The following DMD variants were observed in gnomAD, a reference collection of about 807,000 sequenced individuals.
DMD encodes dystrophin.
DMD carries 63 observed loss-of-function variants against 330.1 expected under a neutral mutation model. That is an observed-to-expected ratio of 0.19 (90% CI 0.16 to 0.24). The LOEUF is 0.24. Ranked by LOEUF, DMD falls within the 10% of genes least tolerant of loss-of-function variation. The pLI, the probability that DMD is intolerant of heterozygous loss-of-function variation, is 1.00. For missense variants in DMD, 3,344 were observed against 2,684.1 expected (o/e 1.25, Z -5.43); for synonymous variants, 1,223 against 959.8 (o/e 1.27, Z -5.07).
rs911688574 is a variant in DMD, at chrX:31,317,067, G to A, written c.9224+6531C>T. Among the ~76,000 whole-genome samples, 45 of 112,229 alleles carry A rather than the reference G, an allele frequency of 4.0e-4. No individual in the cohort carries two copies. In the Admixed American group the frequency reaches 4.2e-3, roughly 10 times the overall value. ...ATTCATTTTCACTTCTCTGGAAAAT[G>A]ATCACAAACAATTTCTATTTCGAAG... On this transcript the variant is annotated intron_variant, in intron 62 of 78. Coordinates refer to ENST00000357033, the MANE Select transcript of DMD (RefSeq NM_004006.3).
chrX:33,036,311 A>C (rs1279638091), intron 1 of DMD, among the ~76,000 whole-genome samples: 1 of 111,991 alleles, frequency 8.9e-6, no homozygotes, highest in Non-Finnish European at 1.9e-5. Context: ...TTCCTTGCAT[A>C]ATTGTAATTG....
chrX:32,647,240 T>C (rs569315263), intron 9 of DMD, among the ~76,000 whole-genome samples: 3 of 111,985 alleles, frequency 2.7e-5, no homozygotes, highest in African/African-American at 6.5e-5. Context: ...CAATGAAGGA[T>C]GCACATGCGC....
intron 42 of DMD, among the ~76,000 whole-genome samples, chrX:32,302,097 G>A (rs924279410): frequency 6.3e-5 from 7 of 111,046 alleles, no homozygotes; most frequent in Non-Finnish European, 9.5e-5. Flanking sequence ...CATGGCCCCC[G>A]TCTTATAATG....
chrX:31,778,663 C>T (rs1426064974), intron 50 of DMD, among the ~76,000 whole-genome samples: 3 of 103,904 alleles, frequency 2.9e-5, no homozygotes, highest in Admixed American at 1.1e-4. Flanking sequence ...CTCTGCCTCG[C>T]GGGTTCAAGC....
intron 7 of DMD, among the ~76,000 whole-genome samples, chrX:32,744,547 T>G (rs1446280746): frequency 9.0e-6 from 1 of 111,569 alleles, no homozygotes; most frequent in East Asian, 2.8e-4. Flanking sequence ...CAAAAGCACA[T>G]TAAATTAGAC....
chrX:31,396,295 G>A (rs1194202969), intron 60 of DMD, among the ~76,000 whole-genome samples: 2 of 110,281 alleles, frequency 1.8e-5, no homozygotes, highest in African/African-American at 6.6e-5. Flanking sequence ...CCGCAACCAC[G>A]CCCGGCTAAT....
chrX:32,725,974 C>A (rs1433960799), intron 7 of DMD, among the ~76,000 whole-genome samples: 6 of 110,717 alleles, frequency 5.4e-5, no homozygotes, highest in Admixed American at 2.9e-4. Context: ...CACATACAAA[C>A]TATGTACCCA....
At chrX:31,273,571 A>T (rs2051835759) in intron 62 of DMD, among the ~76,000 whole-genome samples, 1 of 112,576 alleles carries the variant, frequency 8.9e-6, no homozygotes, top group Admixed American at 9.4e-5. Flanking sequence ...AAGTAAACAA[A>T]GGAATTACCA....
At chrX:32,532,337 T>C (rs2047561160) in intron 17 of DMD, among the ~76,000 whole-genome samples, 1 of 112,043 alleles carries the variant, frequency 8.9e-6, no homozygotes, top group South Asian at 3.6e-4. Context: ...CCATAGACTT[T>C]GGCAAATTCT....
chrX:32,784,040 T>G (rs2075139591), intron 7 of DMD, among the ~76,000 whole-genome samples: 1 of 109,664 alleles, frequency 9.1e-6, no homozygotes, highest in Non-Finnish European at 1.9e-5. Context: ...AACTCATCTG[T>G]GTGTTTAGAG....
chrX:32,655,535 G>T (rs2060499537), intron 9 of DMD, among the ~76,000 whole-genome samples: 1 of 111,832 alleles, frequency 8.9e-6, no homozygotes, highest in Non-Finnish European at 1.9e-5. Flanking sequence ...TTTTACATTT[G>T]CTGAGGGGTG....
chrX:31,147,350 G>A lies in DMD; in HGVS notation c.10722C>T (p.Ala3574=). The A allele has an allele frequency of 1.7e-6, 2 of 1,210,531 alleles. No homozygotes were observed. Among genetic ancestry groups the A allele is most frequent in the Non-Finnish European group, 2.2e-6 (2 of 895,223 alleles). The change falls in exon 75 of 79, where the codon GCC becomes GCT. Residue 3574 remains alanine (A), a synonymous_variant. Coordinates refer to ENST00000357033, the MANE Select transcript of DMD (RefSeq NM_004006.3). ...TGTGGTCTTCCAGGATTTGCATCCTGGCTTCCAGGCGGCCTTTGTGTTGAC... is the reference window on the plus strand; with the variant it reads ...TGTGGTCTTCCAGGATTTGCATCCTAGCTTCCAGGCGGCCTTTGTGTTGAC... ...LLRQHKGRLE[A]RMQILEDHNK...
rs16990169 is a variant in DMD, at chrX:32,217,032, G to A, written c.6322C>T (p.Arg2108Cys). The change falls in exon 44 of 79, where the codon CGT (arginine) becomes TGT (cysteine). Residue 2108 changes from arginine (R) to cysteine (C), a missense_variant. Coordinates refer to ENST00000357033, the MANE Select transcript of DMD (RefSeq NM_004006.3). ...AATATCTTTATATCATAATGAAAACGCCGCCATTTCTCAACAGATCTGTCA... is the reference window on the plus strand; with the variant it reads ...AATATCTTTATATCATAATGAAAACACCGCCATTTCTCAACAGATCTGTCA... ...RFDRSVEKWR[R>C]FHYDIKIFNQ... 1.9e-3 allele frequency: 2,278 copies of A among 1,207,175 alleles called. 25 individuals are homozygous for A. In the African/African-American group the frequency reaches 0.034, roughly 18 times the overall value.
chrX:31,348,725 G>T, intron 60 of DMD, 91 bp from the exon 61 acceptor site: 1 of 785,961 alleles, frequency 1.3e-6, no homozygotes, highest in Non-Finnish European at 1.9e-6. Flanking sequence ...GATACTTTGA[G>T]TCTCCAAGAC....
rs745981770 is a variant in DMD, at chrX:32,570,212, T to C, written c.1812+3318A>G. On this transcript the variant is annotated intron_variant, in intron 15 of 78. Transcript: ENST00000357033. ...AGCACAGTGTATCTATACCTAGACATGTAGTGAAAACTGGTGACAGATGGT... is the reference window on the plus strand; with the variant it reads ...AGCACAGTGTATCTATACCTAGACACGTAGTGAAAACTGGTGACAGATGGT... Among the ~76,000 whole-genome samples, 5 of 111,397 alleles carry C rather than the reference T, an allele frequency of 4.5e-5. No individual in the cohort carries two copies. The East Asian group carries it at 1.4e-3, about 32-fold the overall frequency.
intron 55 of DMD, among the ~76,000 whole-genome samples, chrX:31,515,686 A>G (rs1164051562): frequency 1.8e-5 from 2 of 112,079 alleles, no homozygotes; most frequent in African/African-American, 6.5e-5. Context: ...AAAAGGAGCC[A>G]TGGGCATGCA....
At chrX:31,235,630 C>A (rs1466490669) in intron 63 of DMD, among the ~76,000 whole-genome samples, 1 of 112,093 alleles carries the variant, frequency 8.9e-6, no homozygotes, top group East Asian at 2.8e-4. Context: ...CTTGCTTTTA[C>A]CAGGTTTAAG....
At chrX:31,944,797 C>T (rs1254636645) in intron 45 of DMD, among the ~76,000 whole-genome samples, 1 of 110,019 alleles carries the variant, frequency 9.1e-6, no homozygotes, top group African/African-American at 3.3e-5. Flanking sequence ...CGTGAGGCAC[C>T]GCGCCTGGCC....
intron 7 of DMD, among the ~76,000 whole-genome samples, chrX:32,780,498 T>C (rs933163852): frequency 1.8e-5 from 2 of 112,090 alleles, no homozygotes; most frequent in African/African-American, 6.5e-5. Flanking sequence ...AGTTAATATT[T>C]TTTGAAATTA....
Sources: allele counts gnomAD v4.1 joint callset (sites outside exome capture counted in the v4.1 genomes callset), GRCh38; gene constraint gnomAD v4.1.1; transcripts MANE v1.5; gene names NCBI Gene and HGNC (gene_info 2026-07-23, HGNC 2026-07-21).